CRACR2A: variants seen among roughly 807,000 people sequenced by gnomAD.
The protein encoded by CRACR2A is calcium release activated channel regulator 2A, also known as EF-hand calcium-binding domain-containing protein 4B.
CRACR2A carries 79 observed loss-of-function variants against 90.5 expected under a neutral mutation model. The observed-to-expected ratio is 0.87, with a 90% CI of 0.73 to 1.05. CRACR2A has a LOEUF of 1.05. Ranked by LOEUF, CRACR2A falls within the 50% of genes least tolerant of loss-of-function variation. CRACR2A has a pLI of 0.00. For missense variants in CRACR2A, 823 were observed against 897.2 expected (o/e 0.92, Z 1.06); for synonymous variants, 338 against 356.7 (o/e 0.95, Z 0.59).
intron 7 of CRACR2A, among the ~76,000 whole-genome samples, chr12:3,668,644 T>C (rs1045811379): frequency 1.1e-4 from 16 of 152,184 alleles, no homozygotes; most frequent in Admixed American, 5.2e-4. Flanking sequence ...GGGGACAGTT[T>C]CCTTGTCCTC....
Position 3,633,584 on chromosome 12 carries a change from C to G in CRACR2A, c.1735+20G>C, listed in dbSNP as rs991400066. ...TTCCCAAAGATGGGCCTAGGACCCA[C>G]CTCAGGGATGAGAACTCACCCACAG... On this transcript the variant is annotated intron_variant, in intron 15 of 19. Coordinates refer to ENST00000440314, the MANE Select transcript of CRACR2A (RefSeq NM_001144958.2). This position sits in a 1 kb window ranked among gnomAD's most constrained non-coding sequence, Gnocchi z 4.5. The G allele has an allele frequency of 1.3e-6, 2 of 1,551,540 alleles. No individual in the cohort carries two copies. The highest frequency in any genetic ancestry group is 2.7e-5 in the African/African-American group (2 of 73,038).
In CRACR2A at chr12:3,711,064, A is replaced by G. The variant is rs1946000798; in HGVS notation, c.-37+2173T>C. On this transcript the variant is annotated intron_variant, in intron 3 of 19. Coordinates refer to ENST00000440314, the MANE Select transcript of CRACR2A (RefSeq NM_001144958.2). This position sits in a 1 kb window ranked among gnomAD's most constrained non-coding sequence, Gnocchi z 4.3. ...CTCAAAAGTCTCAACTCGTTCTAGCATAAACTCAAAGGCAGAAAGTCCAAA... is the reference window on the plus strand; with the variant it reads ...CTCAAAAGTCTCAACTCGTTCTAGCGTAAACTCAAAGGCAGAAAGTCCAAA... 6.6e-6 allele frequency among the ~76,000 whole-genome samples: 1 copy of G among 152,220 alleles called. No individual in the cohort carries two copies. Among genetic ancestry groups the G allele is most frequent in the African/African-American group, 2.4e-5 (1 of 41,460 alleles).
In CRACR2A at chr12:3,633,164, C is replaced by A. The variant is rs972916920; in HGVS notation, c.1735+440G>T. Among the ~76,000 whole-genome samples the A allele has an allele frequency of 2.6e-5, 4 of 151,930 alleles. No homozygotes were observed. Among genetic ancestry groups the A allele is most frequent in the Non-Finnish European group, 2.9e-5 (2 of 67,994 alleles). ...AGGAGCAAGGCCAGGATGTAGCAGG[C>A]CCTCAGGAAGACAGGGGGAGGTGTG... On this transcript the variant is annotated intron_variant, in intron 15 of 19. Transcript: ENST00000440314. This position sits in a 1 kb window ranked among gnomAD's most constrained non-coding sequence, Gnocchi z 4.5.
At chr12:3,744,204 G>C (rs1272641650) in intron 1 of CRACR2A, among the ~76,000 whole-genome samples, 1 of 152,222 alleles carries the variant, frequency 6.6e-6, no homozygotes, top group African/African-American at 2.4e-5. Context: ...CATAGTATGT[G>C]TGTAATTAGT....
intron 12 of CRACR2A, 31 bp downstream of exon 12, chr12:3,644,564 C>T: frequency 3.2e-6 from 5 of 1,550,144 alleles, no homozygotes; most frequent in Non-Finnish European, 4.4e-6. Flanking sequence ...GCCCTTGGTC[C>T]CCCACAGGTA....
rs528850769 is a variant in CRACR2A at position 3,659,574 on chromosome 12, A to G, written c.752T>C (p.Phe251Ser). The G allele has an allele frequency of 6.2e-7, 1 of 1,614,144 alleles. No individual in the cohort carries two copies. Among genetic ancestry groups the G allele is most frequent in the African/African-American group, 1.3e-5 (1 of 75,048 alleles). ...GGAGCGTACACTTACCTTCAGGAGA[A>G]ACTGCTCCTTCTCACTTTTGATTTG... is the stretch of plus-strand genomic sequence containing the variant. Reference protein sequence around the residue: ...EQQIKSEKEQFLLKDTERFQA... With the variant: ...EQQIKSEKEQSLLKDTERFQA... The change falls in exon 8 of 20, where the codon TTT (phenylalanine) becomes TCT (serine). Residue 251 changes from phenylalanine to serine, a missense_variant. Coordinates refer to ENST00000440314, the MANE Select transcript of CRACR2A (RefSeq NM_001144958.2).
intron 1 of CRACR2A, among the ~76,000 whole-genome samples, chr12:3,742,188 G>GA (rs1347404999): frequency 6.6e-6 from 1 of 152,222 alleles, no homozygotes; most frequent in Admixed American, 6.5e-5. Flanking sequence ...CAGCAGGCAT[G>GA]AAAGAATTCA....
intron 4 of CRACR2A, among the ~76,000 whole-genome samples, chr12:3,682,995 C>G (rs1945486495): frequency 6.6e-6 from 1 of 152,150 alleles, no homozygotes; most frequent in Non-Finnish European, 1.5e-5. Flanking sequence ...CTTGGCCAGG[C>G]TGGTCTTGAA....
At chr12:3,716,919 C>T (rs1946091415) in intron 2 of CRACR2A, among the ~76,000 whole-genome samples, 1 of 148,426 alleles carries the variant, frequency 6.7e-6, no homozygotes, top group Non-Finnish European at 1.5e-5. Flanking sequence ...TTTTGAAATT[C>T]TTGTATTTTT....
Position 3,735,681 on chromosome 12 carries a change from C to T in CRACR2A, c.-386-2471G>A, listed in dbSNP as rs1946440330. Among the ~76,000 whole-genome samples, 8 of 152,198 alleles carry T rather than the reference C, an allele frequency of 5.3e-5. No individual in the cohort carries two copies. The South Asian group carries it at 1.7e-3, about 32-fold the overall frequency. ...TGGGTAGCAGAGGCAGGACTTGGAC[C>T]CAGGCCGTGGAGCTCCGAGGCTCAC... On this transcript the variant is annotated intron_variant, in intron 1 of 19. Transcript: ENST00000440314.
chr12:3,639,286 A>G (rs1358039229), intron 13 of CRACR2A, among the ~76,000 whole-genome samples: 1 of 152,108 alleles, frequency 6.6e-6, no homozygotes, highest in Non-Finnish European at 1.5e-5. Context: ...TATCTTCTAG[A>G]AGCATTTGAG....
At chr12:3,720,762 T>C (rs1262696402) in intron 2 of CRACR2A, among the ~76,000 whole-genome samples, 1 of 152,234 alleles carries the variant, frequency 6.6e-6, no homozygotes, top group Non-Finnish European at 1.5e-5. Flanking sequence ...AACCAGAGTA[T>C]TTTAGAGCCA....
chr12:3,669,734 C>T (rs1370521796), intron 7 of CRACR2A, among the ~76,000 whole-genome samples: 1 of 152,184 alleles, frequency 6.6e-6, no homozygotes, highest in African/African-American at 2.4e-5. Flanking sequence ...TCAGTTGCCA[C>T]GTCCTCCCTC....
At chr12:3,615,537 G>A (rs1867662739) in intron 19 of CRACR2A, 98 bp from the exon 20 acceptor site, 2 of 1,007,662 alleles carry the variant, frequency 2.0e-6, no homozygotes, top group African/African-American at 1.6e-5. Context: ...GGTCATCTGG[G>A]CCATATGGAG....
At chr12:3,718,382 T>C (rs575973457) in intron 2 of CRACR2A, among the ~76,000 whole-genome samples, 1 of 152,274 alleles carries the variant, frequency 6.6e-6, no homozygotes, top group East Asian at 1.9e-4. Flanking sequence ...GCATTCTCTC[T>C]CAAGCAGCCG....
intron 12 of CRACR2A, among the ~76,000 whole-genome samples, chr12:3,643,930 T>C (rs1944636020): frequency 8.5e-6 from 1 of 117,120 alleles, no homozygotes; most frequent in Non-Finnish European, 1.7e-5. Context: ...TATATATATA[T>C]ATAAACTGCA....
chr12:3,652,467 T>A (rs569410644), intron 10 of CRACR2A, among the ~76,000 whole-genome samples: 2 of 152,330 alleles, frequency 1.3e-5, no homozygotes, highest in Admixed American at 1.3e-4. Context: ...TTTTTGCTTT[T>A]TTTTTAACTA....
intron 6 of CRACR2A, among the ~76,000 whole-genome samples, chr12:3,675,831 A>G (rs143213788): frequency 3.7e-4 from 57 of 152,310 alleles, no homozygotes; most frequent in African/African-American, 1.3e-3. Flanking sequence ...AGAAGGAATA[A>G]AATCCTTTGT....
chr12:3,678,665 T>G (rs1591680732), intron 6 of CRACR2A, among the ~76,000 whole-genome samples: 6 of 144,494 alleles, frequency 4.2e-5, no homozygotes, highest in Admixed American at 1.4e-4. Flanking sequence ...GTAGAGGGGG[T>G]GGGAGAGAAG....
Sources: allele counts gnomAD v4.1 joint callset (sites outside exome capture counted in the v4.1 genomes callset), GRCh38; gene constraint gnomAD v4.1.1; non-coding constraint Gnocchi (gnomAD v3.1); transcripts MANE v1.5; gene names NCBI Gene and HGNC (gene_info 2026-07-23, HGNC 2026-07-21).